SRGAP1: variants seen among roughly 807,000 people sequenced by gnomAD.
SRGAP1 encodes SLIT-ROBO Rho GTPase-activating protein 1.
A neutral mutation model predicts 121.9 loss-of-function variants in SRGAP1; 43 were observed. The observed-to-expected ratio is 0.35, with a 90% CI of 0.28 to 0.46. SRGAP1 has a LOEUF of 0.46. Among genes scored for constraint, SRGAP1 ranks in the 20% least tolerant of loss-of-function variants. The pLI is 1.00. For missense variants in SRGAP1, 1,102 were observed against 1,350.9 expected (o/e 0.82, Z 2.89); for synonymous variants, 447 against 485.4 (o/e 0.92, Z 1.04).
In SRGAP1 at chr12:64,040,476, G is replaced by A. The variant is rs940010867; in HGVS notation, c.490-2314G>A. ...GCTTAGCACTGGGTGCCGAGTTCGG[G>A]TGTGCTCCTCGATACATCCTTTGCA... On this transcript the variant is annotated intron_variant, in intron 4 of 21. Transcript: ENST00000355086. Among the ~76,000 whole-genome samples, 7 of 152,116 alleles carry A rather than the reference G, an allele frequency of 4.6e-5. No homozygotes were observed. In the East Asian group the frequency reaches 1.3e-3, roughly 29 times the overall value.
chr12:63,963,777 AT>A (rs1433867026), intron 1 of SRGAP1, among the ~76,000 whole-genome samples: 1 of 125,686 alleles, frequency 8.0e-6, no homozygotes, highest in Non-Finnish European at 1.7e-5. Context: ...CATGAGTAAC[AT>A]TTTAGAAGTA....
chr12:63,943,691 A>T (rs1266641460), intron 1 of SRGAP1, among the ~76,000 whole-genome samples: 1 of 152,088 alleles, frequency 6.6e-6, no homozygotes, highest in Non-Finnish European at 1.5e-5. Flanking sequence ...ATTGGTTTGC[A>T]ATATGTTAAA....
At chr12:64,084,769 A>G (rs2136571781) in intron 10 of SRGAP1, among the ~76,000 whole-genome samples, 1 of 152,330 alleles carries the variant, frequency 6.6e-6, no homozygotes, top group African/African-American at 2.4e-5. Flanking sequence ...TTACAAAAAT[A>G]GCAGAATTTC....
intron 1 of SRGAP1, among the ~76,000 whole-genome samples, chr12:63,934,241 G>A (rs1189450183): frequency 6.6e-6 from 1 of 152,152 alleles, no homozygotes; most frequent in Non-Finnish European, 1.5e-5. Flanking sequence ...TGTTGCTTCA[G>A]CTGTCTATCT....
chr12:63,946,841 C>A (rs2136357173), intron 1 of SRGAP1, among the ~76,000 whole-genome samples: 1 of 152,276 alleles, frequency 6.6e-6, no homozygotes, highest in South Asian at 2.1e-4. Flanking sequence ...TTATGCCCGG[C>A]TTAGTTTGTA....
intron 3 of SRGAP1, 62 bp downstream of exon 3, chr12:63,990,134 C>A: frequency 1.5e-6 from 2 of 1,330,050 alleles, no homozygotes; most frequent in Non-Finnish European, 2.1e-6. Context: ...ATAACCAGGA[C>A]TGAGAACGGT....
chr12:64,004,401 C>G (rs2034010938), intron 3 of SRGAP1, among the ~76,000 whole-genome samples: 1 of 152,128 alleles, frequency 6.6e-6, no homozygotes, highest in Admixed American at 6.5e-5. Context: ...GAGACAGAGT[C>G]TCACTCTGTC....
chr12:63,921,020 C>T (rs2031019786), intron 1 of SRGAP1, among the ~76,000 whole-genome samples: 1 of 151,612 alleles, frequency 6.6e-6, no homozygotes, highest in African/African-American at 2.4e-5. Context: ...CTTTTTTGTC[C>T]CACCCTTGAA....
chr12:63,998,379 C>G (rs1188039238), intron 3 of SRGAP1, among the ~76,000 whole-genome samples: 1 of 152,176 alleles, frequency 6.6e-6, no homozygotes, highest in Non-Finnish European at 1.5e-5. Context: ...CATCCTACTT[C>G]CTGAGAGAAA....
At chr12:64,042,675 C>A in intron 4 of SRGAP1, 115 bp from the exon 5 acceptor site, 1 of 671,322 alleles carries the variant, frequency 1.5e-6, no homozygotes, top group Non-Finnish European at 2.5e-6. Flanking sequence ...TCTGACTTTT[C>A]CCCTCTGCCA....
Position 63,916,037 on chromosome 12 carries a change from T to TC in SRGAP1, c.68-67910_68-67909insC, listed in dbSNP as rs2030760201. ...GGTGTCTTTTCTTTTCTTTTCTTTT[T>TC]TTTTTTTTTTTTTGAGATGGGGTCT... On this transcript the variant is annotated intron_variant, in intron 1 of 21. Coordinates refer to ENST00000355086, the MANE Select transcript of SRGAP1 (RefSeq NM_020762.4). 2.8e-5 allele frequency among the ~76,000 whole-genome samples: 4 copies of TC among 144,930 alleles called. No individual in the cohort carries two copies. The South Asian group carries it at 6.7e-4, about 24-fold the overall frequency.
intron 4 of SRGAP1, among the ~76,000 whole-genome samples, chr12:64,039,660 T>TGTGTGTGTGTGTGTGTGTGTGTGTGTTA: frequency 6.9e-6 from 1 of 145,484 alleles, no homozygotes; most frequent in Non-Finnish European, 1.5e-5. Context: ...TGTGTGTGTG[T>TGTGTGTGTGTGTGTGTGTGTGTGTGTTA]ACACCCTCTC....
At chr12:64,031,953 G>T (rs77913955) in intron 4 of SRGAP1, among the ~76,000 whole-genome samples, 2,769 of 152,232 alleles carry the variant, frequency 0.018, 100 homozygotes, top group African/African-American at 0.063. Flanking sequence ...CCAAAATCCA[G>T]GTTTGTTGTT....
intron 1 of SRGAP1, among the ~76,000 whole-genome samples, chr12:63,950,353 T>G (rs979147787): frequency 2.0e-5 from 3 of 152,222 alleles, no homozygotes; most frequent in African/African-American, 7.2e-5. Context: ...CTTTGCTAAG[T>G]CCCTGCACCA....
intron 1 of SRGAP1, among the ~76,000 whole-genome samples, chr12:63,882,977 A>G (rs966932854): frequency 6.6e-6 from 1 of 152,088 alleles, no homozygotes; most frequent in Non-Finnish European, 1.5e-5. Flanking sequence ...TCTGAAGCGT[A>G]TGAGGAGATA....
At chr12:64,028,774 C>A (rs528442961) in intron 4 of SRGAP1, among the ~76,000 whole-genome samples, 1 of 152,192 alleles carries the variant, frequency 6.6e-6, no homozygotes, top group African/African-American at 2.4e-5. Context: ...TATGTCCCCC[C>A]AATCCTGTCA....
At chr12:64,126,483 C>G (rs2036689543) in intron 19 of SRGAP1, among the ~76,000 whole-genome samples, 1 of 152,234 alleles carries the variant, frequency 6.6e-6, no homozygotes, top group East Asian at 1.9e-4. Flanking sequence ...TGTCTGTTTA[C>G]CGTTTCAATT....
intron 1 of SRGAP1, among the ~76,000 whole-genome samples, chr12:63,973,738 TAA>T (rs1391258106): frequency 6.6e-6 from 1 of 152,204 alleles, no homozygotes; most frequent in African/African-American, 2.4e-5. Context: ...TAAACTAGTT[TAA>T]AAGTTTTTCA....
chr12:63,916,765 G>T (rs1406050229), intron 1 of SRGAP1, among the ~76,000 whole-genome samples: 1 of 152,184 alleles, frequency 6.6e-6, no homozygotes, highest in Admixed American at 6.5e-5. Context: ...TTTAAGAAAG[G>T]TCTGGGAATC....
Sources: gnomAD v4.1 joint callset for allele counts (sites outside exome capture counted in the v4.1 genomes callset) on GRCh38, gnomAD v4.1.1 for gene constraint, MANE v1.5 for transcripts, NCBI Gene and HGNC (gene_info 2026-07-23, HGNC 2026-07-21) for gene names.